EBF1: variants seen among roughly 807,000 people sequenced by gnomAD.
EBF1 encodes transcription factor COE1.
EBF1 carries 10 observed loss-of-function variants against 68.4 expected under a neutral mutation model. The observed-to-expected ratio is 0.15, with a 90% CI of 0.09 to 0.25. The LOEUF is 0.25. Ranked by LOEUF, EBF1 falls within the 10% of genes least tolerant of loss-of-function variation. EBF1 has a pLI of 1.00. For missense variants in EBF1, 509 were observed against 794.4 expected (o/e 0.64, Z 4.32); for synonymous variants, 298 against 299.8 (o/e 0.99, Z 0.06).
At chr5:159,084,786 G>GCA in intron 4 of EBF1, 47 bp from the exon 5 acceptor site, 1 of 1,079,012 alleles carries the variant, frequency 9.3e-7, no homozygotes, top group Non-Finnish European at 1.3e-6. Flanking sequence ...AGGAGTAGCA[G>GCA]AAAAAAAAAA....
At chr5:159,095,725 A>G in intron 3 of EBF1, 50 bp from the exon 4 acceptor site, 2 of 1,590,932 alleles carry the variant, frequency 1.3e-6, no homozygotes, top group Non-Finnish European at 1.7e-6. Flanking sequence ...GAGGTTACGG[A>G]GGGTGGGTGG....
chr5:158,888,112 T>G (rs1420063169), intron 6 of EBF1, among the ~76,000 whole-genome samples: 1 of 152,176 alleles, frequency 6.6e-6, no homozygotes, highest in Non-Finnish European at 1.5e-5. Flanking sequence ...ATCAAAACCT[T>G]ACAAATTATT....
intron 1 of EBF1, among the ~76,000 whole-genome samples, chr5:159,098,517 G>C (rs1387749887): frequency 6.6e-6 from 1 of 151,880 alleles, no homozygotes; most frequent in Non-Finnish European, 1.5e-5. Context: ...GGAGAAATGG[G>C]ACGAAAAAAC....
At chr5:158,925,690 C>G (rs1434326762) in intron 6 of EBF1, among the ~76,000 whole-genome samples, 5 of 152,220 alleles carry the variant, frequency 3.3e-5, no homozygotes, top group Non-Finnish European at 5.9e-5. Context: ...AGCCACACCC[C>G]ACACTGCACC....
rs1783302659 is a variant in EBF1 at position 159,099,818 on chromosome 5, G to GGTT, written c.-341_-340insAAC. On this transcript the variant is annotated 5_prime_UTR_variant, in exon 1 of 16. Coordinates refer to ENST00000313708, the MANE Select transcript of EBF1 (RefSeq NM_024007.5). The stretch of plus-strand genomic sequence containing the variant: ...GTTTGGGTGCTTTTTTTTTTTTTTT[G>GGTT]CTTTTTTTTTTTTTTTTTTGTAATG... The GGTT allele has an allele frequency of 2.1e-5, 1 of 46,988 alleles. No individual in the cohort carries two copies. Among genetic ancestry groups the GGTT allele is most frequent in the Non-Finnish European group, 4.1e-5 (1 of 24,152 alleles). 2.9% of individuals were successfully genotyped at this position (46,988 alleles called of 1,614,324 possible). A position where few individuals can be genotyped will look rare whatever the true frequency, so the allele number is the denominator to read the frequency against.
chr5:159,075,747 A>G (rs1449905973), intron 5 of EBF1, among the ~76,000 whole-genome samples: 1 of 152,100 alleles, frequency 6.6e-6, no homozygotes, highest in Non-Finnish European at 1.5e-5. Flanking sequence ...CTGCACTTAG[A>G]ACAAATCCAT....
At chr5:158,950,756 T>G (rs1815786082) in intron 6 of EBF1, among the ~76,000 whole-genome samples, 1 of 152,144 alleles carries the variant, frequency 6.6e-6, no homozygotes, top group African/African-American at 2.4e-5. Flanking sequence ...GGAGAGTGTA[T>G]TTGGTGGAGT....
chr5:158,706,855 T>C (rs543172520), intron 15 of EBF1, among the ~76,000 whole-genome samples: 6 of 152,342 alleles, frequency 3.9e-5, no homozygotes, highest in African/African-American at 1.4e-4. Context: ...ATGGCCCTCA[T>C]ACTTTAGGAA....
At chr5:159,019,902 A>G (rs1419592221) in intron 6 of EBF1, among the ~76,000 whole-genome samples, 1 of 152,028 alleles carries the variant, frequency 6.6e-6, no homozygotes, top group African/African-American at 2.4e-5. Flanking sequence ...TGCCACCCTA[A>G]TAATTCCTGA....
rs530227378 is a variant in EBF1 at position 159,021,012 on chromosome 5, G to A, written c.554+52384C>T. Among the ~76,000 whole-genome samples, 99 of 152,236 alleles carry A rather than the reference G, an allele frequency of 6.5e-4. 1 individual carries two copies. Among genetic ancestry groups the A allele is most frequent in the African/African-American group, 2.0e-3 (83 of 41,554 alleles). On this transcript the variant is annotated intron_variant, in intron 6 of 15. Coordinates refer to ENST00000313708, the MANE Select transcript of EBF1 (RefSeq NM_024007.5). ...CCTTGACCTCTTCCCGAGAAGACTC[G>A]CTCCGGGGTGTGTTTCAGTCTTCTC... is the stretch of plus-strand genomic sequence containing the variant.
chr5:159,063,425 A>T (rs1217986217), intron 6 of EBF1, among the ~76,000 whole-genome samples: 2 of 152,170 alleles, frequency 1.3e-5, no homozygotes, highest in Non-Finnish European at 2.9e-5. Flanking sequence ...CTGCATCATG[A>T]TCCCAGTGTA....
chr5:159,013,587 T>G (rs921667222), intron 6 of EBF1, among the ~76,000 whole-genome samples: 2 of 152,162 alleles, frequency 1.3e-5, no homozygotes, highest in African/African-American at 2.4e-5. Flanking sequence ...CCCACAATGC[T>G]GTGCCTGAGA....
chr5:158,902,603 TATTATTATTATTATTATC>T (rs965198287), intron 6 of EBF1, among the ~76,000 whole-genome samples: 9 of 148,516 alleles, frequency 6.1e-5, no homozygotes, highest in Admixed American at 1.3e-4. Context: ...ATTTTATTAT[TATTATTATTATTATTATC>T]ATTATTATTA....
chr5:158,839,914 T>G, intron 7 of EBF1, 115 bp downstream of exon 7: 1 of 948,028 alleles, frequency 1.1e-6, no homozygotes, highest in Non-Finnish European at 1.7e-6. Flanking sequence ...ACCAAGGGCC[T>G]CAGCTGCTCT....
At position 158,696,796 on chromosome 5, in the gene EBF1, G is replaced by A. The variant is rs1283969804; in HGVS notation, c.*2315C>T. ...CATTGCAAAATCCATATGGGGGCAT[G>A]CACAGTTGCAGCATTGTTGTAAATG... On this transcript the variant is annotated 3_prime_UTR_variant, in exon 16 of 16. Transcript: ENST00000313708. 1 of 186,494 alleles carries A rather than the reference G, an allele frequency of 5.4e-6. No homozygotes were observed. Among genetic ancestry groups the A allele is most frequent in the Admixed American group, 7.0e-5 (1 of 14,230 alleles). 11.6% of individuals were successfully genotyped at this position (186,494 alleles called of 1,614,324 possible).
At chr5:158,766,820 T>C (rs1772777650) in intron 10 of EBF1, among the ~76,000 whole-genome samples, 1 of 152,174 alleles carries the variant, frequency 6.6e-6, no homozygotes, top group Non-Finnish European at 1.5e-5. Context: ...CGCAAAACTA[T>C]ATAAACCTAT....
chr5:159,035,548 C>A (rs1769868944), intron 6 of EBF1, among the ~76,000 whole-genome samples: 1 of 152,158 alleles, frequency 6.6e-6, no homozygotes, highest in Non-Finnish European at 1.5e-5. Context: ...TGAAATTAAA[C>A]TACCTGGATT....
At chr5:159,077,741 T>C (rs1394038227) in intron 5 of EBF1, among the ~76,000 whole-genome samples, 1 of 146,898 alleles carries the variant, frequency 6.8e-6, no homozygotes, top group Admixed American at 6.8e-5. Context: ...TTTGCAGTGG[T>C]TTGCTTTTTT....
chr5:158,832,742 T>G (rs1211767853), intron 7 of EBF1, among the ~76,000 whole-genome samples: 1 of 152,118 alleles, frequency 6.6e-6, no homozygotes, highest in Non-Finnish European at 1.5e-5. Flanking sequence ...AACATACGGA[T>G]CCAGAGATAC....
Sources: allele counts gnomAD v4.1 joint callset (sites outside exome capture counted in the v4.1 genomes callset), GRCh38; gene constraint gnomAD v4.1.1; transcripts MANE v1.5; gene names NCBI Gene and HGNC (gene_info 2026-07-23, HGNC 2026-07-21).